The following TSPAN12 variants were observed in gnomAD, a reference collection of about 807,000 sequenced individuals.
TSPAN12 encodes tetraspanin-12.
A neutral mutation model predicts 39.2 loss-of-function variants in TSPAN12; 19 were observed. That is an observed-to-expected ratio of 0.49 (90% CI 0.34 to 0.71). TSPAN12 has a LOEUF of 0.71. Among genes scored for constraint, TSPAN12 ranks in the 30% least tolerant of loss-of-function variants. The probability of loss-of-function intolerance (pLI) is 0.01; values close to 1 mark genes in which losing one functional copy is unlikely to be tolerated. For missense variants in TSPAN12, 314 were observed against 359.9 expected (o/e 0.87, Z 1.03); for synonymous variants, 119 against 124.8 (o/e 0.95, Z 0.31).
chr7:120,857,160 C>A, intron 1 of TSPAN12: 1 of 354,156 alleles, frequency 2.8e-6, no homozygotes, highest in South Asian at 2.3e-5. Context: ...AAACCTCCCT[C>A]ACTCCACGCC....
chr7:120,792,392 T>C (rs1380643625), intron 7 of TSPAN12, among the ~76,000 whole-genome samples: 1 of 152,238 alleles, frequency 6.6e-6, no homozygotes, highest in Admixed American at 6.5e-5. Context: ...GAGGTAACTA[T>C]TGATCTCTGA....
At chr7:120,834,928 C>G (rs908100047) in intron 4 of TSPAN12, among the ~76,000 whole-genome samples, 1 of 152,198 alleles carries the variant, frequency 6.6e-6, no homozygotes, top group African/African-American at 2.4e-5. Flanking sequence ...TGAGCCATTC[C>G]CCTTGTAATC....
At chr7:120,852,736 T>A (rs1794792450) in intron 2 of TSPAN12, among the ~76,000 whole-genome samples, 1 of 152,196 alleles carries the variant, frequency 6.6e-6, no homozygotes, top group South Asian at 2.1e-4. Context: ...CATCACTGTT[T>A]CCAGCAATTT....
chr7:120,852,173 T>G (rs2116505765), intron 2 of TSPAN12, among the ~76,000 whole-genome samples: 1 of 152,324 alleles, frequency 6.6e-6, no homozygotes, highest in East Asian at 1.9e-4. Context: ...CCAATGTTTT[T>G]GTGATTAAGA....
intron 2 of TSPAN12, 61 bp downstream of exon 2, chr7:120,856,637 G>T: frequency 1.3e-6 from 2 of 1,533,700 alleles, no homozygotes; most frequent in Non-Finnish European, 1.8e-6. Context: ...CGCATTATCC[G>T]GTGGCTGCAG....
Position 120,797,114 on chromosome 7 carries a change from G to A in TSPAN12, c.613-8217C>T, listed in dbSNP as rs183489776. The stretch of plus-strand genomic sequence containing the variant: ...GGAGCTTGCAGTGAGCCGAGATGGC[G>A]CCCCTGCACTCCAGCCTGGGCGACA... On this transcript the variant is annotated intron_variant, in intron 7 of 7. Transcript: ENST00000222747. 1.1e-3 allele frequency among the ~76,000 whole-genome samples: 166 copies of A among 152,300 alleles called. 1 individual carries two copies. Among genetic ancestry groups the A allele is most frequent in the Admixed American group, 5.8e-3 (89 of 15,290 alleles).
intron 4 of TSPAN12, among the ~76,000 whole-genome samples, chr7:120,833,954 G>A (rs1013374072): frequency 1.3e-5 from 2 of 152,044 alleles, no homozygotes; most frequent in African/African-American, 4.8e-5. Flanking sequence ...AATGGGAGAA[G>A]GAATTTCTAC....
chr7:120,817,269 A>G (rs1010787123), intron 4 of TSPAN12, among the ~76,000 whole-genome samples: 3 of 151,990 alleles, frequency 2.0e-5, no homozygotes, highest in Admixed American at 2.0e-4. Flanking sequence ...TGTGTTTGTA[A>G]TCCTAACACT....
intron 7 of TSPAN12, 38 bp from the exon 8 acceptor site, chr7:120,788,935 T>C (rs773169787): frequency 1.2e-6 from 2 of 1,610,400 alleles, no homozygotes; most frequent in Non-Finnish European, 1.7e-6. Flanking sequence ...ACTTTAGATA[T>C]GTTACAGAAG....
intron 2 of TSPAN12, among the ~76,000 whole-genome samples, chr7:120,853,252 C>A (rs574388161): frequency 1.3e-5 from 2 of 151,772 alleles, no homozygotes; most frequent in African/African-American, 4.8e-5. Context: ...CGCCACGACA[C>A]CCGGCTAATT....
chr7:120,795,770 G>A (rs1001845144), intron 7 of TSPAN12, among the ~76,000 whole-genome samples: 5 of 152,050 alleles, frequency 3.3e-5, no homozygotes, highest in Non-Finnish European at 7.4e-5. Context: ...ATTTAAACAG[G>A]TTAGACCAAA....
intron 4 of TSPAN12, among the ~76,000 whole-genome samples, chr7:120,823,938 G>A (rs868560435): frequency 6.6e-6 from 1 of 152,212 alleles, no homozygotes; most frequent in African/African-American, 2.4e-5. Context: ...GGTAGCTGAA[G>A]GACTTTAAAT....
chr7:120,849,653 A>T (rs1386670094), intron 2 of TSPAN12, among the ~76,000 whole-genome samples: 1 of 152,250 alleles, frequency 6.6e-6, no homozygotes, highest in Non-Finnish European at 1.5e-5. Flanking sequence ...ATAGAAAAGG[A>T]CTTCGACAAA....
At chr7:120,804,253 T>C (rs189126120) in intron 7 of TSPAN12, among the ~76,000 whole-genome samples, 3 of 152,290 alleles carry the variant, frequency 2.0e-5, no homozygotes, top group Admixed American at 2.0e-4. Flanking sequence ...AGTTATAGTA[T>C]ATTTGAATAT....
intron 4 of TSPAN12, among the ~76,000 whole-genome samples, chr7:120,822,273 C>G (rs1457004521): frequency 6.6e-6 from 1 of 152,028 alleles, no homozygotes; most frequent in African/African-American, 2.4e-5. Flanking sequence ...AGTAAAATCT[C>G]AAGGAAGGCC....
At chr7:120,842,585 C>T (rs779182652) in intron 2 of TSPAN12, among the ~76,000 whole-genome samples, 112 of 152,012 alleles carry the variant, frequency 7.4e-4, no homozygotes, top group Non-Finnish European at 1.2e-3. Flanking sequence ...TAGTCACTGT[C>T]TCCCAAGTTG....
chr7:120,811,226 C>T (rs543421762), intron 5 of TSPAN12, among the ~76,000 whole-genome samples: 2 of 152,222 alleles, frequency 1.3e-5, no homozygotes, highest in South Asian at 4.1e-4. Flanking sequence ...CCATTTGATC[C>T]AGCAATCCCA....
Position 120,810,560 on chromosome 7 carries a change from T to C in TSPAN12, c.371A>G (p.Gln124Arg), listed in dbSNP as rs745746437. The C allele has an allele frequency of 6.2e-7, 1 of 1,612,912 alleles. No homozygotes were observed. The highest frequency in any genetic ancestry group is 1.1e-5 in the South Asian group (1 of 91,054). The change falls in exon 6 of 8, where the codon CAA becomes CGA. Residue 124 changes from glutamine to arginine, a missense_variant. By Grantham distance (43) the Gln-to-Arg change is conservative (BLOSUM62 1). Transcript: ENST00000222747. Reference protein sequence around the residue: ...TYEQELMVPVQWSDMVTLKAR... With the variant: ...TYEQELMVPVRWSDMVTLKAR... Reference sequence around the variant, plus strand: ...TTTCAAAGTGACCATATCTGACCATTGTACTGGAACCTGGTGATAAAAAGC... The same window carrying C: ...TTTCAAAGTGACCATATCTGACCATCGTACTGGAACCTGGTGATAAAAAGC...
chr7:120,792,379 T>C (rs1156637627), intron 7 of TSPAN12, among the ~76,000 whole-genome samples: 1 of 152,184 alleles, frequency 6.6e-6, no homozygotes, highest in Non-Finnish European at 1.5e-5. Context: ...CCAACGACAG[T>C]TAGAGGTAAC....
Sources: gnomAD v4.1 joint callset for allele counts (sites outside exome capture counted in the v4.1 genomes callset) on GRCh38, gnomAD v4.1.1 for gene constraint, MANE v1.5 for transcripts, NCBI Gene and HGNC (gene_info 2026-07-23, HGNC 2026-07-21) for gene names.